TMEM132C: variants seen among roughly 807,000 people sequenced by gnomAD.
TMEM132C encodes transmembrane protein 132C, also known as protein phosphatase 1, regulatory subunit 152.
Under a neutral mutation model 61.4 loss-of-function variants are expected in TMEM132C, and 29 were observed. The observed-to-expected ratio is 0.47, with a 90% confidence interval of 0.35 to 0.64. TMEM132C has a LOEUF of 0.64. Ranked by LOEUF, TMEM132C falls within the 30% of genes least tolerant of loss-of-function variation. The pLI, the probability that TMEM132C is intolerant of heterozygous loss-of-function variation, is 0.00. For missense variants in TMEM132C, 1,408 were observed against 1,476.9 expected (o/e 0.95, Z 0.76); for synonymous variants, 656 against 633.1 (o/e 1.04, Z -0.54).
chr12:128,436,494 C>T (rs1869594938), intron 2 of TMEM132C, among the ~76,000 whole-genome samples: 1 of 152,174 alleles, frequency 6.6e-6, no homozygotes, highest in Non-Finnish European at 1.5e-5. Context: ...AGGATATGAA[C>T]AGACACTTCT....
chr12:128,469,250 A>C lies in TMEM132C; in HGVS notation c.974+53630A>C, dbSNP rs531630034. ...AAGCAGGGTTTCTCATTTTTTGATC[A>C]TGCACAGAGACACATTTTACTTTAT... On this transcript the variant is annotated intron_variant, in intron 2 of 8. Transcript: ENST00000435159. Among the ~76,000 whole-genome samples, 5 of 152,278 alleles carry C rather than the reference A, an allele frequency of 3.3e-5. No individual in the cohort carries two copies. The South Asian group carries it at 1.0e-3, about 32-fold the overall frequency.
chr12:128,543,850 G>A lies in TMEM132C; in HGVS notation c.975-107G>A. 10 of 1,429,968 alleles carry A rather than the reference G, an allele frequency of 7.0e-6. No individual in the cohort carries two copies. In the South Asian group the frequency reaches 1.4e-4, roughly 21 times the overall value. 88.6% of individuals were successfully genotyped at this position (1,429,968 alleles called of 1,614,324 possible). A position where few individuals can be genotyped will look rare whatever the true frequency, so the allele number is the denominator to read the frequency against. On this transcript the variant is annotated intron_variant, in intron 2 of 8. Transcript: ENST00000435159. ...GCCTCTCACTAGATATGAAAAAAGT[G>A]GAAAAGCAAAACAGAAACTAAAGGT...
intron 3 of TMEM132C, among the ~76,000 whole-genome samples, chr12:128,558,083 T>G (rs1047942290): frequency 6.6e-6 from 1 of 152,190 alleles, no homozygotes; most frequent in Non-Finnish European, 1.5e-5. Context: ...GGAGTGCTTG[T>G]GAGGATTAAG....
At chr12:128,359,531 T>A (rs532613085) in intron 1 of TMEM132C, among the ~76,000 whole-genome samples, 1 of 152,062 alleles carries the variant, frequency 6.6e-6, no homozygotes, top group Non-Finnish European at 1.5e-5. Context: ...TTTTGAGGAG[T>A]TTCTAAGACT....
At chr12:128,571,696 A>G (rs1482690360) in intron 3 of TMEM132C, among the ~76,000 whole-genome samples, 3 of 152,242 alleles carry the variant, frequency 2.0e-5, no homozygotes, top group East Asian at 3.8e-4. Flanking sequence ...TCATGGTTAT[A>G]GGAGACAGAA....
At chr12:128,504,537 C>T (rs190853429) in intron 2 of TMEM132C, among the ~76,000 whole-genome samples, 11 of 152,164 alleles carry the variant, frequency 7.2e-5, no homozygotes, top group South Asian at 2.1e-4. Context: ...GCTGGAAGTC[C>T]GAGACTAAGG....
intron 3 of TMEM132C, among the ~76,000 whole-genome samples, chr12:128,549,003 C>T (rs2136153512): frequency 6.6e-6 from 1 of 152,290 alleles, no homozygotes; most frequent in African/African-American, 2.4e-5. Flanking sequence ...ATGAGCCAAT[C>T]CCCCTTGGGT....
chr12:128,493,708 A>G (rs1871834660), intron 2 of TMEM132C, among the ~76,000 whole-genome samples: 1 of 152,190 alleles, frequency 6.6e-6, no homozygotes, highest in African/African-American at 2.4e-5. Flanking sequence ...TTTGTACCTG[A>G]GACTTTGCTG....
chr12:128,452,299 T>C (rs570885478), intron 2 of TMEM132C, among the ~76,000 whole-genome samples: 21 of 151,984 alleles, frequency 1.4e-4, no homozygotes, highest in South Asian at 6.2e-4. Flanking sequence ...GGTTTTGCCG[T>C]GTTGCCCAGG....
At chr12:128,313,703 A>G (rs1593007454) in intron 1 of TMEM132C, among the ~76,000 whole-genome samples, 1 of 152,180 alleles carries the variant, frequency 6.6e-6, no homozygotes, top group East Asian at 1.9e-4. Flanking sequence ...GCATAAATAA[A>G]TGGTCAAACT....
intron 2 of TMEM132C, among the ~76,000 whole-genome samples, chr12:128,507,253 G>A (rs1283983056): frequency 1.3e-5 from 2 of 152,048 alleles, no homozygotes; most frequent in Non-Finnish European, 2.9e-5. Context: ...TACTTCACCT[G>A]GAGACCTAAC....
At chr12:128,540,911 C>T (rs923595531) in intron 2 of TMEM132C, among the ~76,000 whole-genome samples, 1 of 151,966 alleles carries the variant, frequency 6.6e-6, no homozygotes, top group Non-Finnish European at 1.5e-5. Flanking sequence ...CAAGCCCTGG[C>T]TTACTCTGTC....
chr12:128,304,990 C>A (rs1276860282), intron 1 of TMEM132C, among the ~76,000 whole-genome samples: 1 of 151,944 alleles, frequency 6.6e-6, no homozygotes, highest in Non-Finnish European at 1.5e-5. Flanking sequence ...AGAGGAGGGG[C>A]GAGGAAAGGG....
chr12:128,679,531 T>A (rs1954616966), intron 5 of TMEM132C, among the ~76,000 whole-genome samples: 1 of 152,204 alleles, frequency 6.6e-6, no homozygotes, highest in African/African-American at 2.4e-5. Flanking sequence ...TCATGGTGGC[T>A]TATAGGAGCA....
At chr12:128,656,714 C>CT (rs1319257795) in intron 4 of TMEM132C, among the ~76,000 whole-genome samples, 1 of 152,180 alleles carries the variant, frequency 6.6e-6, no homozygotes, top group Non-Finnish European at 1.5e-5. Context: ...AGGCACCACA[C>CT]TTTGAGAACC....
rs1230099078 is a variant in TMEM132C, at chr12:128,616,228, C to A, written c.1198C>A (p.Pro400Thr). 1 of 1,551,826 alleles carries A rather than the reference C, an allele frequency of 6.4e-7. No homozygotes were observed. ...TTTCAGCAGCCTTTCAGGGACTCAG[C>A]CCATCACGTGGCAGGTGGAGTACCC... ...ASFSSLSGTQ[P>T]ITWQVEYPRK... The change falls in exon 4 of 9, where the codon CCC becomes ACC. Residue 400 changes from proline (P) to threonine (T), a missense_variant. Pro to Thr is a conservative substitution (Grantham distance 38). Transcript: ENST00000435159.
At chr12:128,668,002 G>T (rs754234458) in intron 4 of TMEM132C, among the ~76,000 whole-genome samples, 9 of 152,222 alleles carry the variant, frequency 5.9e-5, no homozygotes, top group Non-Finnish European at 1.0e-4. Flanking sequence ...GCCAAGCACG[G>T]TGGCCCATGC....
intron 2 of TMEM132C, among the ~76,000 whole-genome samples, chr12:128,503,367 T>C (rs2136110913): frequency 6.6e-6 from 1 of 151,754 alleles, no homozygotes; most frequent in African/African-American, 2.4e-5. Context: ...TCTGGTCTTG[T>C]TGGAAATGCC....
chr12:128,294,611 A>C (rs1871344899), intron 1 of TMEM132C, among the ~76,000 whole-genome samples: 1 of 152,202 alleles, frequency 6.6e-6, no homozygotes, highest in Non-Finnish European at 1.5e-5. Context: ...GCAGTTCCAG[A>C]GCCCAGAGAT....
Sources: gnomAD v4.1 joint callset for allele counts (sites outside exome capture counted in the v4.1 genomes callset) on GRCh38, gnomAD v4.1.1 for gene constraint, MANE v1.5 for transcripts, NCBI Gene and HGNC (gene_info 2026-07-23, HGNC 2026-07-21) for gene names.